NDST4: variants seen among roughly 807,000 people sequenced by gnomAD.
NDST4 encodes N-heparan sulfate sulfotransferase 4.
Under a neutral mutation model 100.8 loss-of-function variants are expected in NDST4, and 63 were observed. The ratio of observed to expected loss-of-function variants is 0.62; its 90% CI spans 0.51 to 0.77. The LOEUF is 0.77. Ranked by LOEUF, NDST4 falls within the 30% of genes least tolerant of loss-of-function variation. The pLI is 0.00. For missense variants in NDST4, 943 were observed against 1,018.4 expected (o/e 0.93, Z 1.01); for synonymous variants, 377 against 361.8 (o/e 1.04, Z -0.48).
intron 6 of NDST4, among the ~76,000 whole-genome samples, chr4:114,889,476 A>G (rs1392728331): frequency 2.0e-5 from 3 of 152,226 alleles, no homozygotes; most frequent in Non-Finnish European, 2.9e-5. Flanking sequence ...TCTGTGCTGA[A>G]CATGAACACT....
At chr4:115,024,909 G>A (rs1328459798) in intron 2 of NDST4, among the ~76,000 whole-genome samples, 4 of 152,170 alleles carry the variant, frequency 2.6e-5, no homozygotes, top group African/African-American at 9.7e-5. Context: ...ATTAATGCTG[G>A]CATCATCGGT....
At chr4:115,020,939 G>A (rs1323705792) in intron 2 of NDST4, among the ~76,000 whole-genome samples, 2 of 151,912 alleles carry the variant, frequency 1.3e-5, no homozygotes, top group African/African-American at 2.4e-5. Context: ...CGCGGTGAAC[G>A]GGGAACACTT....
chr4:114,907,408 C>T (rs975408652), intron 6 of NDST4, among the ~76,000 whole-genome samples: 1 of 152,194 alleles, frequency 6.6e-6, no homozygotes, highest in Non-Finnish European at 1.5e-5. Context: ...AATAATAATA[C>T]CTCTCTCATA....
rs116398286 is a variant in NDST4, at chr4:114,907,378, G to A, written c.1536+27828C>T. Among the ~76,000 whole-genome samples, 1,180 of 152,124 alleles carry A rather than the reference G, an allele frequency of 7.8e-3. 16 individuals are homozygous for A. The highest frequency in any genetic ancestry group is 0.027 in the African/African-American group (1,113 of 41,534). On this transcript the variant is annotated intron_variant, in intron 6 of 13. Transcript: ENST00000264363. ...AACCTCACTACATTTCAGTTTATCC[G>A]TCTATTTAAAAATACGGTAAATAAT...
chr4:114,849,738 T>G (rs578157586), intron 8 of NDST4, among the ~76,000 whole-genome samples: 6 of 152,104 alleles, frequency 3.9e-5, no homozygotes, highest in Non-Finnish European at 5.9e-5. Flanking sequence ...TTAAAAAGAT[T>G]TAAGGAATAA....
At position 114,938,313 on chromosome 4, in the gene NDST4, A is replaced by AT. The variant is rs544325705; in HGVS notation, c.1222-811dup. Among the ~76,000 whole-genome samples the AT allele has an allele frequency of 4.2e-3, 646 of 152,328 alleles. 7 individuals are homozygous for AT. Among genetic ancestry groups the AT allele is most frequent in the Middle Eastern group, 0.027 (8 of 294 alleles). On this transcript the variant is annotated intron_variant, in intron 4 of 13. Coordinates refer to ENST00000264363, the MANE Select transcript of NDST4 (RefSeq NM_022569.3). The stretch of plus-strand genomic sequence containing the variant: ...TTAACAACTCAATTTGTTTTTATAA[A>AT]TCTTACACTTCACTATGAGATTCTT...
chr4:114,938,445 G>C (rs762430841), intron 4 of NDST4, among the ~76,000 whole-genome samples: 14 of 152,156 alleles, frequency 9.2e-5, no homozygotes, highest in Non-Finnish European at 2.1e-4. Context: ...TAGATCTGCA[G>C]TTTTCTAATT....
intron 4 of NDST4, among the ~76,000 whole-genome samples, chr4:114,961,985 T>G (rs114069225): frequency 0.015 from 2,270 of 152,160 alleles, 64 homozygotes; most frequent in African/African-American, 0.051. Flanking sequence ...ACTGATTATA[T>G]GCAATAACAA....
intron 2 of NDST4, among the ~76,000 whole-genome samples, chr4:115,040,801 T>C (rs542533789): frequency 6.6e-6 from 1 of 152,002 alleles, no homozygotes; most frequent in Non-Finnish European, 1.5e-5. Context: ...TAGAATAATT[T>C]GAGCATCAAT....
chr4:114,947,389 A>G (rs1725889998), intron 4 of NDST4, among the ~76,000 whole-genome samples: 1 of 152,186 alleles, frequency 6.6e-6, no homozygotes, highest in Non-Finnish European at 1.5e-5. Flanking sequence ...GTGAGGGACA[A>G]CAAAGATGTG....
At chr4:115,063,709 CAGAAAATATCCCAG>C (rs772849317) in intron 2 of NDST4, among the ~76,000 whole-genome samples, 8 of 151,804 alleles carry the variant, frequency 5.3e-5, no homozygotes, top group Admixed American at 2.6e-4. Context: ...GAAAACCAAC[CAGAAAATATCCCAG>C]TGGACTTCCC....
intron 6 of NDST4, among the ~76,000 whole-genome samples, chr4:114,877,869 T>G (rs924986332): frequency 3.3e-5 from 5 of 151,944 alleles, no homozygotes; most frequent in Admixed American, 6.6e-5. Flanking sequence ...GAAGAATTGC[T>G]TCAACGCTGG....
At chr4:114,988,616 C>A (rs1385155979) in intron 2 of NDST4, among the ~76,000 whole-genome samples, 1 of 151,956 alleles carries the variant, frequency 6.6e-6, no homozygotes, top group Non-Finnish European at 1.5e-5. Context: ...CCACCTTGGC[C>A]TCCCAAAGTG....
intron 1 of NDST4, among the ~76,000 whole-genome samples, chr4:115,098,433 C>A (rs1258109058): frequency 6.6e-6 from 1 of 151,992 alleles, no homozygotes; most frequent in Non-Finnish European, 1.5e-5. Flanking sequence ...TAATTAGTTA[C>A]AATAGTCCAG....
In NDST4 at chr4:114,977,179, C is replaced by G. The variant is rs747856658; in HGVS notation, c.1066+8G>C. 1.3e-6 allele frequency: 2 copies of G among 1,571,556 alleles called. No individual in the cohort carries two copies. The highest frequency in any genetic ancestry group is 1.7e-6 in the Non-Finnish European group (2 of 1,145,302). ...GTAGCTGCCTGAGAACACAAAGCTC[C>G]TTCTTACCTGTGTGGTAAAACTTCC... On this transcript the variant is annotated splice_region_variant and intron_variant, in intron 3 of 13. Coordinates refer to ENST00000264363, the MANE Select transcript of NDST4 (RefSeq NM_022569.3).
At chr4:115,021,681 A>G (rs1727827893) in intron 2 of NDST4, among the ~76,000 whole-genome samples, 1 of 144,902 alleles carries the variant, frequency 6.9e-6, no homozygotes, top group Non-Finnish European at 1.6e-5. Context: ...TACACATTCC[A>G]TATATATACA....
At chr4:114,838,646 C>T (rs1271169921) in intron 11 of NDST4, among the ~76,000 whole-genome samples, 2 of 152,036 alleles carry the variant, frequency 1.3e-5, no homozygotes, top group East Asian at 3.9e-4. Context: ...GGGAGGGGAA[C>T]ATCACACACT....
chr4:115,069,423 C>T (rs766444825), intron 2 of NDST4, among the ~76,000 whole-genome samples: 1 of 152,056 alleles, frequency 6.6e-6, no homozygotes, highest in Non-Finnish European at 1.5e-5. Context: ...GGTCTAATAT[C>T]CAGTATCTAT....
At chr4:115,045,251 G>A (rs17679753) in intron 2 of NDST4, among the ~76,000 whole-genome samples, 25,696 of 151,888 alleles carry the variant, frequency 0.17, 2,557 homozygotes, top group East Asian at 0.42. Context: ...ATTTGCCTTA[G>A]GCATGAAAAA....
Sources: gnomAD v4.1 joint callset for allele counts (sites outside exome capture counted in the v4.1 genomes callset) on GRCh38, gnomAD v4.1.1 for gene constraint, MANE v1.5 for transcripts, NCBI Gene and HGNC (gene_info 2026-07-23, HGNC 2026-07-21) for gene names.